Variants in BRINP3 observed in about 807,000 individuals in gnomAD.
BRINP3 encodes BMP/retinoic acid inducible neural specific 3, also known as BMP/retinoic acid-inducible neural-specific protein 3.
Under a neutral mutation model 71.0 loss-of-function variants are expected in BRINP3, and 19 were observed. That is an observed-to-expected ratio of 0.27 (90% confidence interval 0.19 to 0.39). The LOEUF (loss-of-function observed/expected upper bound fraction) is 0.39. Ranked by LOEUF, BRINP3 falls within the 10% of genes least tolerant of loss-of-function variation. The pLI is 1.00. For missense variants in BRINP3, 959 were observed against 940.8 expected (o/e 1.02, Z -0.25); for synonymous variants, 380 against 337.7 (o/e 1.13, Z -1.37).
In BRINP3 at chr1:190,300,472, C is replaced by CA. The variant is rs937517669; in HGVS notation, c.237-18723dup. On this transcript the variant is annotated intron_variant, in intron 2 of 7. Transcript: ENST00000367462. ...TCTTCTAAGGCTCCACCTCTGGGGG[C>CA]AGGGCACAGACAAACAAAAAGACAG... 1.5e-3 allele frequency among the ~76,000 whole-genome samples: 222 copies of CA among 152,210 alleles called. 1 individual carries two copies. The highest frequency in any genetic ancestry group is 5.0e-3 in the African/African-American group (207 of 41,532).
At chr1:190,121,643 G>A (rs1386823475) in intron 7 of BRINP3, among the ~76,000 whole-genome samples, 1 of 152,078 alleles carries the variant, frequency 6.6e-6, no homozygotes, top group Admixed American at 6.6e-5. Context: ...CCTTGCATAA[G>A]CATTAATATA....
intron 2 of BRINP3, among the ~76,000 whole-genome samples, chr1:190,327,352 G>GAAAAAAAAAAAAAAAAAAAAAAAAA (rs796445574): frequency 3.9e-5 from 3 of 77,444 alleles, no homozygotes; most frequent in African/African-American, 4.4e-5. Context: ...AAAAAAAAAG[G>GAAAAAAAAAAAAAAAAAAAAAAAAA]AAAAAAAAAA....
At chr1:190,473,344 A>T (rs1223310617) in intron 1 of BRINP3, among the ~76,000 whole-genome samples, 5 of 151,968 alleles carry the variant, frequency 3.3e-5, no homozygotes, top group African/African-American at 4.8e-5. Context: ...CCAAAGTTAC[A>T]ATTATCTTTC....
chr1:190,136,991 T>C (rs976430321), intron 7 of BRINP3, among the ~76,000 whole-genome samples: 2 of 152,248 alleles, frequency 1.3e-5, no homozygotes, highest in South Asian at 2.1e-4. Context: ...AATTAATCTA[T>C]TATAAGTTCT....
At chr1:190,131,580 T>A (rs1326355143) in intron 7 of BRINP3, among the ~76,000 whole-genome samples, 1 of 152,048 alleles carries the variant, frequency 6.6e-6, no homozygotes, top group Non-Finnish European at 1.5e-5. Context: ...GTGAAAAACT[T>A]TGTCATCTGT....
At chr1:190,152,680 A>C (rs1187206087) in intron 7 of BRINP3, among the ~76,000 whole-genome samples, 1 of 151,898 alleles carries the variant, frequency 6.6e-6, no homozygotes, top group Non-Finnish European at 1.5e-5. Context: ...ACTGGACAAA[A>C]TGTTGAGGTA....
chr1:190,307,579 A>G (rs1665205475), intron 2 of BRINP3, among the ~76,000 whole-genome samples: 1 of 151,958 alleles, frequency 6.6e-6, no homozygotes, highest in South Asian at 2.1e-4. Flanking sequence ...ATAGAAAGCA[A>G]GGCCATATTT....
intron 2 of BRINP3, among the ~76,000 whole-genome samples, chr1:190,312,700 A>G (rs1416506580): frequency 6.6e-6 from 1 of 151,888 alleles, no homozygotes; most frequent in Middle Eastern, 3.2e-3. Context: ...CTTAAATTAA[A>G]GTTCCAAAAT....
chr1:190,429,123 A>G (rs1673918464), intron 2 of BRINP3, among the ~76,000 whole-genome samples: 1 of 152,176 alleles, frequency 6.6e-6, no homozygotes, highest in South Asian at 2.1e-4. Flanking sequence ...CAATAAAGAT[A>G]CACAAATTTA....
intron 1 of BRINP3, among the ~76,000 whole-genome samples, chr1:190,459,000 C>A (rs1418236120): frequency 6.6e-6 from 1 of 151,508 alleles, no homozygotes; most frequent in Non-Finnish European, 1.5e-5. Context: ...AAATTAAAAA[C>A]ATGACTTTAT....
chr1:190,183,990 CT>C (rs1209693848), intron 6 of BRINP3, among the ~76,000 whole-genome samples: 2 of 152,042 alleles, frequency 1.3e-5, no homozygotes, highest in African/African-American at 4.8e-5. Context: ...GCAGACTTTT[CT>C]TTTGTCTGTT....
chr1:190,313,334 G>A lies in BRINP3; in HGVS notation c.237-31584C>T, dbSNP rs558620648. On this transcript the variant is annotated intron_variant, in intron 2 of 7. Transcript: ENST00000367462. ...GTTAATAGGAAACATGTAAGTTAAA[G>A]AAATAGATAGCATAGATGATACAGG... Among the ~76,000 whole-genome samples the A allele has an allele frequency of 1.1e-4, 16 of 151,998 alleles. No individual in the cohort carries two copies. In the East Asian group the frequency reaches 2.9e-3, roughly 28 times the overall value.
intron 2 of BRINP3, among the ~76,000 whole-genome samples, chr1:190,320,915 T>C (rs1168066525): frequency 6.6e-6 from 1 of 152,088 alleles, no homozygotes; most frequent in Non-Finnish European, 1.5e-5. Context: ...TATTATCTGA[T>C]GTCCTGCTGT....
chr1:190,442,745 G>A (rs1674914358), intron 2 of BRINP3, among the ~76,000 whole-genome samples: 1 of 151,580 alleles, frequency 6.6e-6, no homozygotes. Context: ...GCGTGTGTGT[G>A]TGTATTTTCT....
chr1:190,273,065 C>G (rs1233321572), intron 3 of BRINP3, among the ~76,000 whole-genome samples: 1 of 130,126 alleles, frequency 7.7e-6, no homozygotes, highest in Admixed American at 7.8e-5. Flanking sequence ...TTTTTTTTTT[C>G]AATTGTGCAT....
At chr1:190,415,735 G>C (rs964324762) in intron 2 of BRINP3, among the ~76,000 whole-genome samples, 1 of 151,814 alleles carries the variant, frequency 6.6e-6, no homozygotes, top group South Asian at 2.1e-4. Context: ...ACCCCTTATA[G>C]AAAAACATTT....
intron 1 of BRINP3, among the ~76,000 whole-genome samples, chr1:190,462,452 A>G (rs1428911572): frequency 6.6e-6 from 1 of 152,166 alleles, no homozygotes; most frequent in African/African-American, 2.4e-5. Context: ...ATTGAGGAGC[A>G]CAATGAGAAT....
At chr1:190,237,566 G>C (rs1658642295) in intron 4 of BRINP3, among the ~76,000 whole-genome samples, 1 of 151,810 alleles carries the variant, frequency 6.6e-6, no homozygotes, top group Non-Finnish European at 1.5e-5. Context: ...TACTTTGCCA[G>C]AGGAGCAATT....
At chr1:190,282,939 A>T (rs1663149101) in intron 2 of BRINP3, among the ~76,000 whole-genome samples, 1 of 151,990 alleles carries the variant, frequency 6.6e-6, no homozygotes, top group Admixed American at 6.6e-5. Context: ...CAATATGTGA[A>T]AAAATAATAA....
Sources: gnomAD v4.1 joint callset for allele counts (sites outside exome capture counted in the v4.1 genomes callset) on GRCh38, gnomAD v4.1.1 for gene constraint, MANE v1.5 for transcripts, NCBI Gene and HGNC (gene_info 2026-07-23, HGNC 2026-07-21) for gene names.